The following MEIS3 variants were observed in gnomAD, a reference collection of about 807,000 sequenced individuals.
MEIS3 encodes the protein Meis homeobox 3.
A neutral mutation model predicts 51.4 loss-of-function variants in MEIS3; 38 were observed. The ratio of observed to expected loss-of-function variants is 0.74; its 90% CI spans 0.57 to 0.97. MEIS3 has a LOEUF of 0.97. Ranked by LOEUF, MEIS3 falls within the 50% of genes least tolerant of loss-of-function variation. The pLI, the probability that MEIS3 is intolerant of heterozygous loss-of-function variation, is 0.00. For missense variants in MEIS3, 456 were observed against 502.6 expected (o/e 0.91, Z 0.89); for synonymous variants, 198 against 201.8 (o/e 0.98, Z 0.16).
At chr19:47,416,357 CAGA>C (rs755159545) in intron 4 of MEIS3, 27 of 394,526 alleles carry the variant, frequency 6.8e-5, no homozygotes, top group Middle Eastern at 6.5e-4. Context: ...CCCTCCAAGA[CAGA>C]CATTACTACC....
intron 8 of MEIS3, among the ~76,000 whole-genome samples, chr19:47,407,926 C>T (rs1427156835): frequency 1.3e-5 from 2 of 152,204 alleles, no homozygotes; most frequent in Non-Finnish European, 2.9e-5. Context: ...CCCGCCTCAG[C>T]CTCCCCAGTA....
At chr19:47,422,164 C>T (rs566247456), upstream of MEIS3, among the ~76,000 whole-genome samples, 296 of 152,254 alleles carry the variant, frequency 1.9e-3, no homozygotes, top group African/African-American at 6.8e-3. Context: ...CCCCCTTCCC[C>T]TCCCGCCCCA....
In MEIS3 at chr19:47,406,931, CCCG is replaced by C; in HGVS notation, c.1032_1034del (p.Ile344_Gly345delinsMet). 1 of 1,579,576 alleles carries C rather than the reference CCCG, an allele frequency of 6.3e-7. No homozygotes were observed. The highest frequency in any genetic ancestry group is 1.2e-5 in the South Asian group (1 of 86,454). On this transcript the variant is annotated inframe_deletion, in exon 11 of 13. Coordinates refer to ENST00000558555, the MANE Select transcript of MEIS3 (RefSeq NM_001301059.2). ...CGTGTGGCTGCGTCTCGGTATAGCC[CCCG>C]ATGGGCTGGCCCTCTGGGCTGAAGG...
chr19:47,415,573 CTT>C (rs1302603532), intron 4 of MEIS3, among the ~76,000 whole-genome samples: 2 of 115,268 alleles, frequency 1.7e-5, no homozygotes, highest in African/African-American at 6.6e-5. Context: ...CTCTCTCTCT[CTT>C]TTTTTTTTTT....
In MEIS3 at chr19:47,403,293, G is replaced by A. The variant is rs569547822; in HGVS notation, c.*278C>T. On this transcript the variant is annotated 3_prime_UTR_variant, in exon 13 of 13. Transcript: ENST00000558555. ...CTGTCCTGGCGGCGAGGCCCTAGCC[G>A]CCATCTTCTGGGGACCAAGGCCCAG... 13 of 383,504 alleles carry A rather than the reference G, an allele frequency of 3.4e-5. No individual in the cohort carries two copies. Among genetic ancestry groups the A allele is most frequent in the Middle Eastern group, 9.3e-4 (1 of 1,078 alleles). 23.8% of individuals were successfully genotyped at this position (383,504 alleles called of 1,614,324 possible).
intron 1 of MEIS3, 40 bp downstream of exon 1, chr19:47,419,030 G>A (rs1474261013): frequency 4.0e-6 from 5 of 1,240,766 alleles, no homozygotes; most frequent in Non-Finnish European, 5.0e-6. Flanking sequence ...CAGGGGGTGC[G>A]GAAGCGGCCG....
intron 11 of MEIS3, 128 bp downstream of exon 11, chr19:47,406,760 T>A: frequency 2.1e-6 from 2 of 954,726 alleles, no homozygotes; most frequent in Non-Finnish European, 3.1e-6. Flanking sequence ...TGCCTTGGCA[T>A]CACCTGCTTC....
chr19:47,413,560 T>C (rs905370869), intron 6 of MEIS3, among the ~76,000 whole-genome samples: 1 of 151,970 alleles, frequency 6.6e-6, no homozygotes, highest in African/African-American at 2.4e-5. Flanking sequence ...GTGGCTCTCA[T>C]GCGACTTCTC....
intron 8 of MEIS3, 127 bp downstream of exon 8, chr19:47,408,972 T>A: frequency 9.2e-7 from 1 of 1,086,474 alleles, no homozygotes; most frequent in African/African-American, 1.6e-5. Flanking sequence ...TCCACCTCCA[T>A]GAGAGTCTCG....
chr19:47,420,341 TG>T (rs1187842204), upstream of MEIS3, among the ~76,000 whole-genome samples: 1 of 151,854 alleles, frequency 6.6e-6, no homozygotes, highest in African/African-American at 2.4e-5. Flanking sequence ...TGGGGGGTGG[TG>T]CATGCTAAGG....
intron 11 of MEIS3, 75 bp downstream of exon 11, chr19:47,406,813 T>G: frequency 1.5e-6 from 2 of 1,328,032 alleles, no homozygotes; most frequent in South Asian, 2.7e-5. Flanking sequence ...GAATTGAATC[T>G]CAGGTGGGCA....
chr19:47,416,911 T>C lies in MEIS3; in HGVS notation c.238A>G (p.Thr80Ala). ...ALVFEKCELA[T>A]CSPRDGAGAG... ...CCGGCCCCGTCACGGGGAGAGCATG[T>C]AGCCAGTTCACATTTCTCAAAGACC... The change falls in exon 3 of 13, where the codon ACA becomes GCA. Residue 80 changes from threonine to alanine, a missense_variant. Transcript: ENST00000558555. 1 of 1,611,908 alleles carries C rather than the reference T, an allele frequency of 6.2e-7. No individual in the cohort carries two copies. The highest frequency in any genetic ancestry group is 1.1e-5 in the South Asian group (1 of 90,710).
chr19:47,419,373 G>GC lies in MEIS3; in HGVS notation c.-293dup, dbSNP rs1005474506. The GC allele has an allele frequency of 2.1e-4, 33 of 154,932 alleles. No individual in the cohort carries two copies. Among genetic ancestry groups the GC allele is most frequent in the East Asian group, 1.4e-3 (7 of 5,108 alleles). The allele number at this position is 154,932 out of a possible 1,614,324, so 9.6% of individuals were successfully genotyped here. ...GGGCGCCCGAGGCCCCCTCCTCTGG[G>GC]CCCCCCCCGTCCCTTCCCCGGCTCT... On this transcript the variant is annotated 5_prime_UTR_variant, in exon 1 of 13. Coordinates refer to ENST00000558555, the MANE Select transcript of MEIS3 (RefSeq NM_001301059.2).
At chr19:47,409,811 C>T (rs547698717) in intron 6 of MEIS3, among the ~76,000 whole-genome samples, 8 of 148,938 alleles carry the variant, frequency 5.4e-5, no homozygotes, top group Non-Finnish European at 8.9e-5. Context: ...TGCAGTGAGC[C>T]GAGATTGCGC....
rs1971342032 is a variant in MEIS3, at chr19:47,415,080, G to A, written c.418C>T (p.Leu140=). 1 of 1,501,296 alleles carries A rather than the reference G, an allele frequency of 6.7e-7. No homozygotes were observed. The allele number at this position is 1,501,296 out of a possible 1,614,324, so 93.0% of individuals were successfully genotyped here. A position where few individuals can be genotyped will look rare whatever the true frequency, so the allele number is the denominator to read the frequency against. Residue 140 remains leucine (L), a synonymous_variant, in exon 5 of 13, where the codon CTG becomes TTG. Transcript: ENST00000558555. ...TCCAGCTCCAGCAGGTGGAACCGCA[G>A]CACCTGGATGGCCTGGATCATCTGA... ...DNLMIQAIQV[L]RFHLLELEKV... is the part of the protein sequence containing the mutation.
chr19:47,417,446 T>C (rs1971500003), intron 1 of MEIS3, 96 bp from the exon 2 acceptor site: 1 of 1,409,012 alleles, frequency 7.1e-7, no homozygotes, highest in African/African-American at 1.4e-5. Flanking sequence ...ACCCAGGAGA[T>C]GCCCTTCTGT....
intron 2 of MEIS3, 93 bp downstream of exon 2, chr19:47,417,085 C>T (rs1189618334): frequency 4.6e-6 from 7 of 1,536,004 alleles, no homozygotes; most frequent in South Asian, 1.2e-5. Context: ...GACAGAGACT[C>T]GTACACAGAG....
At chr19:47,417,062 A>C in intron 2 of MEIS3, 99 bp from the exon 3 acceptor site, 1 of 1,532,506 alleles carries the variant, frequency 6.5e-7, no homozygotes, top group Non-Finnish European at 8.8e-7. Flanking sequence ...CAAGAGACCC[A>C]GAGAGGGAAG....
intron 1 of MEIS3, 199 bp from the exon 2 acceptor site, chr19:47,417,549 AC>A: frequency 1.4e-6 from 1 of 719,702 alleles, no homozygotes; most frequent in Non-Finnish European, 2.5e-6. Context: ...GGGAGTGAGG[AC>A]CCCGTCCAGG....
Sources: allele counts gnomAD v4.1 joint callset (sites outside exome capture counted in the v4.1 genomes callset), GRCh38; gene constraint gnomAD v4.1.1; transcripts MANE v1.5; gene names NCBI Gene and HGNC (gene_info 2026-07-23, HGNC 2026-07-21).